Variants in WTIP observed in about 807,000 individuals in gnomAD.
The protein encoded by WTIP is Wilms tumor protein 1-interacting protein.
A neutral mutation model predicts 41.7 loss-of-function variants in WTIP; 23 were observed. The ratio of observed to expected loss-of-function variants is 0.55; its 90% CI spans 0.40 to 0.78. WTIP has a LOEUF of 0.78. Ranked by LOEUF, WTIP falls within the 30% of genes least tolerant of loss-of-function variation. The pLI is 0.00. For missense variants in WTIP, 619 were observed against 610.5 expected, an observed-to-expected ratio of 1.01 and a Z score of -0.15; for synonymous variants, 314 against 269.9, an observed-to-expected ratio of 1.16 and a Z score of -1.60.
intron 1 of WTIP, among the ~76,000 whole-genome samples, chr19:34,488,561 C>G (rs916752543): frequency 2.0e-5 from 3 of 151,716 alleles, no homozygotes; most frequent in African/African-American, 7.3e-5. Context: ...AGATGAGGGT[C>G]TCGCTGTGTT....
chr19:34,482,266 G>T lies in WTIP; in HGVS notation c.292G>T (p.Gly98Cys). ...ACGGGCCAGCCTGGCGGGGTCCGAC[G>T]GCGGCGGCGGTGGCGGCAGCGCCCG... ...SPRASLAGSD[G>C]GGGGGSARSS... is the part of the protein sequence containing the mutation. Residue 98 changes from glycine to cysteine, a missense_variant, in exon 1 of 8, where the codon GGC (glycine) becomes TGC (cysteine). Gly to Cys is a radical substitution (Grantham distance 159, BLOSUM62 -3). Around this residue, in one of 3 missense-constraint regions of WTIP, gnomAD observed 363 missense variants for 309.0 expected, o/e 1.17. Transcript: ENST00000590071. 1 of 1,294,020 alleles carries T rather than the reference G, an allele frequency of 7.7e-7. No individual in the cohort carries two copies. Among genetic ancestry groups the T allele is most frequent in the Non-Finnish European group, 9.9e-7 (1 of 1,013,956 alleles). 80.2% of individuals were successfully genotyped at this position (1,294,020 alleles called of 1,614,324 possible).
At position 34,500,405 on chromosome 19, in the gene WTIP, C is replaced by T. The variant is rs1599966315; in HGVS notation, c.*136C>T. On this transcript the variant is annotated 3_prime_UTR_variant, in exon 8 of 8. Transcript: ENST00000590071. ...AGCTGCTGTCTGCAGGGGCCGGACC[C>T]CCGCGTGGAAGCTTCTATTTATTCA... is the stretch of plus-strand genomic sequence containing the variant. 3 of 1,235,150 alleles carry T rather than the reference C, an allele frequency of 2.4e-6. No homozygotes were observed. Among genetic ancestry groups the T allele is most frequent in the African/African-American group, 1.5e-5 (1 of 65,966 alleles). 76.5% of individuals were successfully genotyped at this position (1,235,150 alleles called of 1,614,324 possible).
intron 6 of WTIP, among the ~76,000 whole-genome samples, chr19:34,495,453 C>T (rs945582757): frequency 2.0e-5 from 3 of 152,080 alleles, no homozygotes; most frequent in African/African-American, 7.2e-5. Flanking sequence ...TTGACAAACA[C>T]GTGACACTCT....
chr19:34,490,302 C>A, intron 1 of WTIP, 74 bp from the exon 2 acceptor site: 1 of 1,442,830 alleles, frequency 6.9e-7, no homozygotes, highest in South Asian at 1.2e-5. Context: ...TGGGCGGTGT[C>A]AAGACGGGGA....
At position 34,502,572 on chromosome 19, in the gene WTIP, A is replaced by C. The variant is rs977812271; in HGVS notation, c.*2303A>C. On this transcript the variant is annotated 3_prime_UTR_variant, in exon 8 of 8. Coordinates refer to ENST00000590071, the MANE Select transcript of WTIP (RefSeq NM_001080436.2). ...AGTGCTGGGATTACAAGTGTGCGCC[A>C]CCAGGCCTGGCTAATTTTTGTATTT... 1 of 151,920 alleles carries C rather than the reference A, an allele frequency of 6.6e-6. No homozygotes were observed. The highest frequency in any genetic ancestry group is 1.5e-5 in the Non-Finnish European group (1 of 68,046). 9.4% of individuals were successfully genotyped at this position (151,920 alleles called of 1,614,324 possible). A position where few individuals can be genotyped will look rare whatever the true frequency, so the allele number is the denominator to read the frequency against.
At position 34,502,907 on chromosome 19, in the gene WTIP, C is replaced by G. The variant is rs1164950398; in HGVS notation, c.*2638C>G. ...TTGCAAAGCTGTCCTCTGAACTGTCCTCTCTGCTTCCTCCCTCAAACCTGC... is the reference window on the plus strand; with the variant it reads ...TTGCAAAGCTGTCCTCTGAACTGTCGTCTCTGCTTCCTCCCTCAAACCTGC... On this transcript the variant is annotated 3_prime_UTR_variant, in exon 8 of 8. Coordinates refer to ENST00000590071, the MANE Select transcript of WTIP (RefSeq NM_001080436.2). 6.7e-6 allele frequency: 1 copy of G among 148,670 alleles called. No homozygotes were observed. Among genetic ancestry groups the G allele is most frequent in the Non-Finnish European group, 1.5e-5 (1 of 66,210 alleles). The allele number at this position is 148,670 out of a possible 1,614,324, so 9.2% of individuals were successfully genotyped here. A position where few individuals can be genotyped will look rare whatever the true frequency, so the allele number is the denominator to read the frequency against.
In WTIP at chr19:34,482,097, T is replaced by A; in HGVS notation, c.123T>A (p.Pro41=). 1 of 1,040,760 alleles carries A rather than the reference T, an allele frequency of 9.6e-7. No homozygotes were observed. Among genetic ancestry groups the A allele is most frequent in the Non-Finnish European group, 1.2e-6 (1 of 867,592 alleles). The allele number at this position is 1,040,760 out of a possible 1,614,324, so 64.5% of individuals were successfully genotyped here. A position where few individuals can be genotyped will look rare whatever the true frequency, so the allele number is the denominator to read the frequency against. ...GGCGGCGGGGGCCGCGGCCTGGGCC[T>A]GGAGACGAGGCGGCGCCCGCGCTGG... ...GRGRRGPRPG[P]GDEAAPALGR... is the part of the protein sequence containing the mutation. The change falls in exon 1 of 8, where the codon CCT becomes CCA. Residue 41 remains proline, a synonymous_variant. Coordinates refer to ENST00000590071, the MANE Select transcript of WTIP (RefSeq NM_001080436.2).
At chr19:34,482,715 C>T in intron 1 of WTIP, 74 bp downstream of exon 1, 1 of 1,209,578 alleles carries the variant, frequency 8.3e-7, no homozygotes, top group East Asian at 3.3e-5. Context: ...CTCGGGTAGG[C>T]GGCCGGATCA....
chr19:34,482,235 C>A lies in WTIP; in HGVS notation c.261C>A (p.Gly87=). The A allele has an allele frequency of 8.5e-7, 1 of 1,180,882 alleles. No homozygotes were observed. Among genetic ancestry groups the A allele is most frequent in the Non-Finnish European group, 1.0e-6 (1 of 958,728 alleles). 73.2% of individuals were successfully genotyped at this position (1,180,882 alleles called of 1,614,324 possible). The change falls in exon 1 of 8, where the codon GGC becomes GGA. Residue 87 remains glycine, a synonymous_variant. Transcript: ENST00000590071. ...AVPELSAQPA[G]SPRASLAGSD... ...CGGAGCTCAGCGCGCAGCCTGCGGG[C>A]AGCCCACGGGCCAGCCTGGCGGGGT...
In WTIP at chr19:34,490,388, A is replaced by G. The variant is rs754716525; in HGVS notation, c.680A>G (p.Lys227Arg). 2 of 1,613,860 alleles carry G rather than the reference A, an allele frequency of 1.2e-6. No individual in the cohort carries two copies. The highest frequency in any genetic ancestry group is 1.7e-6 in the Non-Finnish European group (2 of 1,179,878). Residue 227 changes from lysine to arginine, a missense_variant, in exon 2 of 8, where the codon AAG becomes AGG. Around this residue, in one of 3 missense-constraint regions of WTIP, gnomAD observed 164 missense variants for 219.1 expected, o/e 0.75. Coordinates refer to ENST00000590071, the MANE Select transcript of WTIP (RefSeq NM_001080436.2). ...TARDYFGICI[K>R]CGLGIYGAQQ... ...TCTCCTCTCCTAGGCATTTGCATCA[A>G]GTGTGGGCTTGGCATCTACGGAGCC...
At chr19:34,494,563 T>C in intron 5 of WTIP, 23 bp from the exon 6 acceptor site, 1 of 1,612,740 alleles carries the variant, frequency 6.2e-7, no homozygotes, top group South Asian at 1.1e-5. Flanking sequence ...GCTGATCACT[T>C]CTGGTTTCCT....
chr19:34,482,376 G>A lies in WTIP; in HGVS notation c.402G>A (p.Pro134=). ...GRSDPRPGPG[P]PSVGSARSSV... Reference sequence around the variant, plus strand: ...CGGACCCGCGTCCCGGTCCCGGGCCGCCTTCGGTGGGCAGCGCCCGCTCCA... The same window carrying A: ...CGGACCCGCGTCCCGGTCCCGGGCCACCTTCGGTGGGCAGCGCCCGCTCCA... Residue 134 remains proline (P), a synonymous_variant, in exon 1 of 8, where the codon CCG becomes CCA. Coordinates refer to ENST00000590071, the MANE Select transcript of WTIP (RefSeq NM_001080436.2). 4.4e-6 allele frequency: 6 copies of A among 1,367,570 alleles called. No homozygotes were observed. Among genetic ancestry groups the A allele is most frequent in the African/African-American group, 1.5e-5 (1 of 65,088 alleles). The allele number at this position is 1,367,570 out of a possible 1,614,324, so 84.7% of individuals were successfully genotyped here.
At chr19:34,483,001 T>C (rs1172297592) in intron 1 of WTIP, among the ~76,000 whole-genome samples, 1 of 147,920 alleles carries the variant, frequency 6.8e-6, no homozygotes, top group Non-Finnish European at 1.5e-5. Context: ...TTTTTTTTCT[T>C]TCTTCTTTTT....
At chr19:34,495,274 G>A (rs1361525430) in intron 6 of WTIP, among the ~76,000 whole-genome samples, 1 of 152,184 alleles carries the variant, frequency 6.6e-6, no homozygotes, top group Non-Finnish European at 1.5e-5. Flanking sequence ...GTGCATGCCT[G>A]TAGTCCCAGC....
rs1568403388 is a variant in WTIP, at chr19:34,500,325, G to A, written c.*56G>A. 4.0e-6 allele frequency: 6 copies of A among 1,494,480 alleles called. No individual in the cohort carries two copies. In the South Asian group the frequency reaches 6.7e-5, roughly 17 times the overall value. The allele number at this position is 1,494,480 out of a possible 1,614,324, so 92.6% of individuals were successfully genotyped here. A position where few individuals can be genotyped will look rare whatever the true frequency, so the allele number is the denominator to read the frequency against. On this transcript the variant is annotated 3_prime_UTR_variant, in exon 8 of 8. Coordinates refer to ENST00000590071, the MANE Select transcript of WTIP (RefSeq NM_001080436.2). ...GGGTGTGGGTGTGGAGGGAGGGCCC[G>A]CGTGGGTGGCCCTGGTCAGCGTCAG...
intron 2 of WTIP, among the ~76,000 whole-genome samples, chr19:34,491,379 A>G (rs917883027): frequency 2.0e-5 from 3 of 151,560 alleles, no homozygotes; most frequent in African/African-American, 4.9e-5. Flanking sequence ...ACTGGAGTGT[A>G]GTGGTGTGAT....
intron 1 of WTIP, among the ~76,000 whole-genome samples, chr19:34,489,810 A>G (rs2075816334): frequency 6.6e-6 from 1 of 152,176 alleles, no homozygotes; most frequent in African/African-American, 2.4e-5. Flanking sequence ...GGCATGTGCC[A>G]GAAGTCCTAG....
At chr19:34,497,255 G>A (rs1224501799) in intron 7 of WTIP, among the ~76,000 whole-genome samples, 3 of 152,168 alleles carry the variant, frequency 2.0e-5, no homozygotes, top group Non-Finnish European at 4.4e-5. Context: ...CTGGGCAGCT[G>A]GAGCAGTCTC....
At chr19:34,496,977 C>A (rs1568401873) in intron 7 of WTIP, among the ~76,000 whole-genome samples, 1 of 152,162 alleles carries the variant, frequency 6.6e-6, no homozygotes, top group Non-Finnish European at 1.5e-5. Context: ...ATTCTCCTGC[C>A]TCAGCCTCCT....
Sources: gnomAD v4.1 joint callset for allele counts (sites outside exome capture counted in the v4.1 genomes callset) on GRCh38, gnomAD v4.1.1 for gene constraint, gnomAD v4.1.1 regional missense constraint, MANE v1.5 for transcripts, NCBI Gene and HGNC (gene_info 2026-07-23, HGNC 2026-07-21) for gene names.